FRS2: variants seen among roughly 807,000 people sequenced by gnomAD.
FRS2 encodes the protein FGFR signalling adaptor.
In FRS2, 8 loss-of-function variants were observed where a neutral mutation model predicts 43.9. The ratio of observed to expected loss-of-function variants is 0.18; its 90% CI spans 0.11 to 0.33. The LOEUF (loss-of-function observed/expected upper bound fraction) is 0.33, where lower values mean the gene tolerates loss of function less well. Ranked by LOEUF, FRS2 falls within the 10% of genes least tolerant of loss-of-function variation. The probability of loss-of-function intolerance (pLI) is 1.00; values close to 1 mark genes in which losing one functional copy is unlikely to be tolerated. For missense variants in FRS2, 534 were observed against 627.6 expected, an observed-to-expected ratio of 0.85 and a Z score of 1.59; for synonymous variants, 219 against 220.3, an observed-to-expected ratio of 0.99 and a Z score of 0.05.
chr12:69,529,967 T>C (rs1034981631), intron 1 of FRS2, among the ~76,000 whole-genome samples: 5 of 152,064 alleles, frequency 3.3e-5, no homozygotes, highest in Admixed American at 6.5e-5. Context: ...GGCAGTTGGA[T>C]TGTTTGAACC....
chr12:69,546,260 G>T (rs1036154437), intron 3 of FRS2, among the ~76,000 whole-genome samples: 1 of 151,936 alleles, frequency 6.6e-6, no homozygotes, highest in East Asian at 1.9e-4. Flanking sequence ...CATTAGGATG[G>T]CTACTTTTTT....
intron 1 of FRS2, among the ~76,000 whole-genome samples, chr12:69,492,137 T>G (rs1872543970): frequency 6.6e-6 from 1 of 152,250 alleles, no homozygotes. Flanking sequence ...TGTATTATTT[T>G]CATTATTAGC....
rs1876721136 is a variant in FRS2, at chr12:69,530,899, A to G, written c.-226A>G. The G allele has an allele frequency of 6.6e-6, 1 of 152,656 alleles. No homozygotes were observed. Among genetic ancestry groups the G allele is most frequent in the South Asian group, 2.1e-4 (1 of 4,826 alleles). 9.5% of individuals were successfully genotyped at this position (152,656 alleles called of 1,614,324 possible). The stretch of plus-strand genomic sequence containing the variant: ...TTAAGAAGTAGATGCCCAGATGCAA[A>G]AGTGATGAAACAGTCCATTTGTCAT... On this transcript the variant is annotated 5_prime_UTR_variant, in exon 2 of 9. Coordinates refer to ENST00000549921, the MANE Select transcript of FRS2 (RefSeq NM_001278356.2).
At chr12:69,535,885 G>A (rs1877223153) in intron 3 of FRS2, among the ~76,000 whole-genome samples, 1 of 151,848 alleles carries the variant, frequency 6.6e-6, no homozygotes. Flanking sequence ...TTGAATGTAT[G>A]CTATTAAGTA....
intron 1 of FRS2, among the ~76,000 whole-genome samples, chr12:69,529,081 A>G (rs1655170901): frequency 6.6e-6 from 1 of 152,174 alleles, no homozygotes; most frequent in Admixed American, 6.5e-5. Flanking sequence ...ACTGAGCTGG[A>G]CTCAGTTGGA....
chr12:69,561,809 G>A (rs1055196929), intron 3 of FRS2, among the ~76,000 whole-genome samples: 1 of 152,120 alleles, frequency 6.6e-6, no homozygotes, highest in Admixed American at 6.6e-5. Context: ...GTCTGCTACT[G>A]GCCAAAATGG....
At chr12:69,481,806 A>G (rs569248683) in intron 1 of FRS2, among the ~76,000 whole-genome samples, 2 of 152,244 alleles carry the variant, frequency 1.3e-5, no homozygotes, top group East Asian at 3.9e-4. Flanking sequence ...TAGTCAGGTT[A>G]TGTTTAGTCA....
intron 3 of FRS2, among the ~76,000 whole-genome samples, chr12:69,548,474 G>T (rs1878604483): frequency 6.6e-6 from 1 of 152,178 alleles, no homozygotes; most frequent in Non-Finnish European, 1.5e-5. Context: ...TTTTAGGTTG[G>T]TAACTTTTAT....
chr12:69,510,696 TTC>T (rs1206630633), intron 1 of FRS2, among the ~76,000 whole-genome samples: 2 of 152,162 alleles, frequency 1.3e-5, no homozygotes, highest in Non-Finnish European at 2.9e-5. Flanking sequence ...TTTCTTTATC[TTC>T]TGTTTCTTTG....
intron 4 of FRS2, among the ~76,000 whole-genome samples, chr12:69,564,047 A>G (rs1419726610): frequency 2.0e-5 from 3 of 152,112 alleles, no homozygotes; most frequent in Non-Finnish European, 4.4e-5. Flanking sequence ...CAAGTAATGT[A>G]TTCTCTTTTG....
intron 1 of FRS2, among the ~76,000 whole-genome samples, chr12:69,521,826 G>A (rs1472463886): frequency 2.0e-5 from 3 of 152,130 alleles, no homozygotes; most frequent in East Asian, 1.9e-4. Flanking sequence ...GTGTTAGCCA[G>A]GATGGTCTCG....
intron 3 of FRS2, among the ~76,000 whole-genome samples, chr12:69,539,843 T>C (rs1258123375): frequency 6.6e-6 from 1 of 152,012 alleles, no homozygotes; most frequent in African/African-American, 2.4e-5. Flanking sequence ...TAATCCCAGC[T>C]ACTCGGGAGG....
chr12:69,544,206 A>G (rs1317536032), intron 3 of FRS2, among the ~76,000 whole-genome samples: 1 of 152,078 alleles, frequency 6.6e-6, no homozygotes. Context: ...AACCAAATTC[A>G]GCAGCATATC....
chr12:69,549,143 A>G (rs1046349258), intron 3 of FRS2, among the ~76,000 whole-genome samples: 1 of 152,224 alleles, frequency 6.6e-6, no homozygotes, highest in Non-Finnish European at 1.5e-5. Context: ...TTTTAATGAC[A>G]TTAAACAGAA....
chr12:69,573,282 A>G (rs1188190749), intron 8 of FRS2, among the ~76,000 whole-genome samples: 3 of 152,198 alleles, frequency 2.0e-5, no homozygotes, highest in Non-Finnish European at 4.4e-5. Flanking sequence ...ATACATTCAG[A>G]TCATCAGTAA....
intron 3 of FRS2, among the ~76,000 whole-genome samples, chr12:69,545,764 A>C (rs1593027493): frequency 6.6e-6 from 1 of 150,434 alleles, no homozygotes; most frequent in East Asian, 1.9e-4. Context: ...TCAAAAAAAA[A>C]AAAAAAAAAA....
chr12:69,549,758 C>T (rs1878714771), intron 3 of FRS2, among the ~76,000 whole-genome samples: 1 of 152,222 alleles, frequency 6.6e-6, no homozygotes, highest in South Asian at 2.1e-4. Context: ...ATATTTTCTT[C>T]TCCACACTGG....
intron 1 of FRS2, among the ~76,000 whole-genome samples, chr12:69,504,995 G>A (rs1022965159): frequency 6.6e-6 from 1 of 152,052 alleles, no homozygotes; most frequent in Admixed American, 6.6e-5. Flanking sequence ...CACCATGCTG[G>A]GCTAATTTGT....
chr12:69,498,851 T>C (rs1873169125), intron 1 of FRS2, among the ~76,000 whole-genome samples: 1 of 152,198 alleles, frequency 6.6e-6, no homozygotes, highest in South Asian at 2.1e-4. Flanking sequence ...AGATTGTGTG[T>C]AGGATTATAA....
Sources: allele counts gnomAD v4.1 joint callset (sites outside exome capture counted in the v4.1 genomes callset), GRCh38; gene constraint gnomAD v4.1.1; transcripts MANE v1.5; gene names NCBI Gene and HGNC (gene_info 2026-07-23, HGNC 2026-07-21).